The following USP6NL variants were observed in gnomAD, a reference collection of about 807,000 sequenced individuals.
USP6NL encodes the protein USP6 N-terminal-like protein.
Under a neutral mutation model 61.9 loss-of-function variants are expected in USP6NL, and 26 were observed. The observed-to-expected ratio is 0.42, with a 90% CI of 0.31 to 0.58. The LOEUF (loss-of-function observed/expected upper bound fraction) is 0.58, where lower values mean the gene tolerates loss of function less well. Ranked by LOEUF, USP6NL falls within the 20% of genes least tolerant of loss-of-function variation. The pLI is 0.16. For missense variants in USP6NL, 1,114 were observed against 1,034.3 expected, an observed-to-expected ratio of 1.08 and a Z score of -1.06; for synonymous variants, 432 against 390.1, an observed-to-expected ratio of 1.11 and a Z score of -1.27.
chr10:11,486,158 TAAAA>T (rs3057313), intron 10 of USP6NL, among the ~76,000 whole-genome samples: 1 of 139,798 alleles, frequency 7.2e-6, no homozygotes, highest in Non-Finnish European at 1.5e-5. Flanking sequence ...AGGGAAACCT[TAAAA>T]AAAAAAAAAA....
At chr10:11,531,133 C>T (rs528485113) in intron 2 of USP6NL, among the ~76,000 whole-genome samples, 1 of 152,076 alleles carries the variant, frequency 6.6e-6, no homozygotes, top group Non-Finnish European at 1.5e-5. Context: ...TTTATGCTCT[C>T]GTTGCATGAC....
Position 11,462,713 on chromosome 10 carries a change from C to G in USP6NL, c.2215G>C (p.Val739Leu). 1 of 1,614,018 alleles carries G rather than the reference C, an allele frequency of 6.2e-7. No homozygotes were observed. The highest frequency in any genetic ancestry group is 1.1e-5 in the South Asian group (1 of 91,080). Residue 739 changes from valine (V) to leucine (L), a missense_variant, in exon 15 of 15, where the codon GTT (valine) becomes CTT (leucine). Coordinates refer to ENST00000609104, the MANE Select transcript of USP6NL (RefSeq NM_014688.5). ...YLPDNRTWSE[V>L]SYTYRPETQG... ...GTCTCAGGTCTGTATGTATAACTAA[C>G]TTCTGACCATGTTCTGTTATCTGGC... is the stretch of plus-strand genomic sequence containing the variant.
intron 2 of USP6NL, among the ~76,000 whole-genome samples, chr10:11,547,666 G>A (rs372516749): frequency 3.0e-4 from 46 of 151,784 alleles, no homozygotes; most frequent in African/African-American, 8.9e-4. Context: ...TCAGCCTCCC[G>A]AGTAGCTGGG....
At chr10:11,555,471 A>AGAGAAAGAGAGAGAG (rs1566178235) in intron 2 of USP6NL, among the ~76,000 whole-genome samples, 39 of 62,136 alleles carry the variant, frequency 6.3e-4, no homozygotes, top group African/African-American at 2.7e-3. Context: ...GAGAGAGAGA[A>AGAGAAAGAGAGAGAG]AGAGAGAGAG....
chr10:11,472,826 T>C (rs980155544), intron 14 of USP6NL, among the ~76,000 whole-genome samples: 13 of 152,340 alleles, frequency 8.5e-5, no homozygotes, highest in South Asian at 2.1e-4. Context: ...TGACTTTTTT[T>C]CCCAGCAGAT....
intron 2 of USP6NL, among the ~76,000 whole-genome samples, chr10:11,568,830 A>G (rs1176175797): frequency 6.6e-6 from 1 of 152,234 alleles, no homozygotes; most frequent in Non-Finnish European, 1.5e-5. Context: ...TGTAACAGAA[A>G]AGCAGAGGTG....
intron 2 of USP6NL, among the ~76,000 whole-genome samples, chr10:11,583,209 G>C (rs1212904062): frequency 7.3e-6 from 1 of 136,728 alleles, no homozygotes; most frequent in Admixed American, 7.9e-5. Flanking sequence ...TTTTCCCTGA[G>C]ACGGAGTCTC....
intron 14 of USP6NL, among the ~76,000 whole-genome samples, chr10:11,479,668 C>T (rs951178569): frequency 6.6e-6 from 1 of 151,688 alleles, no homozygotes; most frequent in Non-Finnish European, 1.5e-5. Context: ...CTCCACCTCC[C>T]GGGTTCATGC....
At position 11,482,368 on chromosome 10, in the gene USP6NL, G is replaced by C. The variant is rs1833236385; in HGVS notation, c.926-446C>G. Reference sequence around the variant, plus strand: ...CCAGAACATCTGGATTATTAATTTTGTGAGTTTTATTTCTATTTATGAAAT... The same window carrying C: ...CCAGAACATCTGGATTATTAATTTTCTGAGTTTTATTTCTATTTATGAAAT... On this transcript the variant is annotated intron_variant, in intron 13 of 14. Coordinates refer to ENST00000609104, the MANE Select transcript of USP6NL (RefSeq NM_014688.5). This position sits in a 1 kb window ranked among gnomAD's most constrained non-coding sequence, Gnocchi z 4.0. Among the ~76,000 whole-genome samples the C allele has an allele frequency of 6.6e-6, 1 of 152,140 alleles. No individual in the cohort carries two copies. Among genetic ancestry groups the C allele is most frequent in the Non-Finnish European group, 1.5e-5 (1 of 68,022 alleles).
At position 11,490,456 on chromosome 10, in the gene USP6NL, A is replaced by G. The variant is rs1833663412; in HGVS notation, c.543+376T>C. The stretch of plus-strand genomic sequence containing the variant: ...TGATTGTGAAAAGTAACCTCCCAAG[A>G]GCAAAGAGAGTTATAAAAAGTCAAG... On this transcript the variant is annotated intron_variant, in intron 9 of 14. Coordinates refer to ENST00000609104, the MANE Select transcript of USP6NL (RefSeq NM_014688.5). The surrounding 1 kb of genome is among the most constrained non-coding windows in gnomAD (Gnocchi z 4.5). Among the ~76,000 whole-genome samples, 1 of 152,204 alleles carries G rather than the reference A, an allele frequency of 6.6e-6. No individual in the cohort carries two copies. Among genetic ancestry groups the G allele is most frequent in the Admixed American group, 6.5e-5 (1 of 15,276 alleles).
At position 11,495,109 on chromosome 10, in the gene USP6NL, C is replaced by T. The variant is rs1170297756; in HGVS notation, c.385-1881G>A. 6.6e-6 allele frequency among the ~76,000 whole-genome samples: 1 copy of T among 152,256 alleles called. No individual in the cohort carries two copies. Among genetic ancestry groups the T allele is most frequent in the African/African-American group, 2.4e-5 (1 of 41,468 alleles). On this transcript the variant is annotated intron_variant, in intron 7 of 14. Coordinates refer to ENST00000609104, the MANE Select transcript of USP6NL (RefSeq NM_014688.5). This position sits in a 1 kb window ranked among gnomAD's most constrained non-coding sequence, Gnocchi z 4.6. ...GGCGTCTTCCCAGATGCTGGCGTTA[C>T]CGCTAGACCAAGGAGCCCTCTGGTG...
chr10:11,558,182 T>G (rs766552186), intron 2 of USP6NL, among the ~76,000 whole-genome samples: 4 of 152,128 alleles, frequency 2.6e-5, no homozygotes, highest in African/African-American at 9.7e-5. Flanking sequence ...CCAAACAACT[T>G]TGGAGCCCTG....
rs1446361281 is a variant in USP6NL at position 11,528,116 on chromosome 10, GACACACACACAGACAC to G, written c.5-565_5-550del. Among the ~76,000 whole-genome samples the G allele has an allele frequency of 7.4e-6, 1 of 135,414 alleles. No individual in the cohort carries two copies. Among genetic ancestry groups the G allele is most frequent in the Non-Finnish European group, 1.7e-5 (1 of 60,426 alleles). 88.8% of individuals were successfully genotyped at this position (135,414 alleles called of 152,430 possible). Reference sequence around the variant, plus strand: ...CAGTTTTATCATACATATGTGTGTGGACACACACACAGACACACACACACACACACACACACACACA... The same window carrying G: ...CAGTTTTATCATACATATGTGTGTGGACACACACACACACACACACACACA... On this transcript the variant is annotated intron_variant, in intron 2 of 14. Transcript: ENST00000609104. This position sits in a 1 kb window ranked among gnomAD's most constrained non-coding sequence, Gnocchi z 4.6.
Position 11,548,396 on chromosome 10 carries a change from A to T in USP6NL, c.5-20829T>A, listed in dbSNP as rs1460157231. On this transcript the variant is annotated intron_variant, in intron 2 of 14. Transcript: ENST00000609104. The surrounding 1 kb of genome is among the most constrained non-coding windows in gnomAD (Gnocchi z 4.3). Reference sequence around the variant, plus strand: ...AATGGGTTCTTATTAGCACATACTTAATTAAAATATCTCAGACCTCTCTTA... The same window carrying T: ...AATGGGTTCTTATTAGCACATACTTTATTAAAATATCTCAGACCTCTCTTA... Among the ~76,000 whole-genome samples the T allele has an allele frequency of 1.3e-5, 2 of 152,336 alleles. No individual in the cohort carries two copies. The highest frequency in any genetic ancestry group is 3.9e-4 in the East Asian group (2 of 5,184).
intron 2 of USP6NL, among the ~76,000 whole-genome samples, chr10:11,586,976 C>A (rs776726451): frequency 4.6e-5 from 7 of 152,146 alleles, no homozygotes; most frequent in Non-Finnish European, 1.0e-4. Flanking sequence ...AAGTGGTCCT[C>A]CCAACCTCCC....
chr10:11,463,465 T>C lies in USP6NL; in HGVS notation c.1463A>G (p.Asn488Ser), dbSNP rs1345926369. The C allele has an allele frequency of 6.2e-7, 1 of 1,614,076 alleles. No homozygotes were observed. The highest frequency in any genetic ancestry group is 8.5e-7 in the Non-Finnish European group (1 of 1,179,900). Residue 488 changes from asparagine to serine, a missense_variant, in exon 15 of 15, where the codon AAT becomes AGT. Coordinates refer to ENST00000609104, the MANE Select transcript of USP6NL (RefSeq NM_014688.5). This position sits in a 1 kb window ranked among gnomAD's most constrained non-coding sequence, Gnocchi z 6.3. The stretch of plus-strand genomic sequence containing the variant: ...TGTAGCTGAGACGTCTGACGGTTTA[T>C]TCCATTTGGGCACAAACTCCTTCCT... The part of the protein sequence containing the change: ...NIRKEFVPKW[N>S]KPSDVSATER...
chr10:11,550,935 C>T (rs1238401551), intron 2 of USP6NL, among the ~76,000 whole-genome samples: 4 of 152,012 alleles, frequency 2.6e-5, no homozygotes, highest in South Asian at 2.1e-4. Context: ...TGAGATACCA[C>T]GACTGAGGTA....
rs2133382756 is a variant in USP6NL, at chr10:11,520,936, C to G, written c.156-2362G>C. ...CCTAAAGGCTGCTTTAAGAAAACAC[C>G]AAGCTGATAGCAAGTACCTATATCT... On this transcript the variant is annotated intron_variant, in intron 4 of 14. Coordinates refer to ENST00000609104, the MANE Select transcript of USP6NL (RefSeq NM_014688.5). The surrounding 1 kb of genome is among the most constrained non-coding windows in gnomAD (Gnocchi z 5.2). Among the ~76,000 whole-genome samples, 4 of 152,250 alleles carry G rather than the reference C, an allele frequency of 2.6e-5. No individual in the cohort carries two copies. The Middle Eastern group carries it at 0.014, about 518-fold the overall frequency.
intron 4 of USP6NL, among the ~76,000 whole-genome samples, chr10:11,524,039 C>T (rs1057116689): frequency 6.6e-6 from 1 of 152,132 alleles, no homozygotes; most frequent in Admixed American, 6.5e-5. Flanking sequence ...TTTCTTGTCA[C>T]GTGCGTAGCC....
Sources: gnomAD v4.1 joint callset for allele counts (sites outside exome capture counted in the v4.1 genomes callset) on GRCh38, gnomAD v4.1.1 for gene constraint, Gnocchi (gnomAD v3.1) non-coding constraint, MANE v1.5 for transcripts, NCBI Gene and HGNC (gene_info 2026-07-23, HGNC 2026-07-21) for gene names.